The following YY1AP1 variants were observed in gnomAD, a reference collection of about 807,000 sequenced individuals.
The protein encoded by YY1AP1 is YY1 associated protein 1, also known as YY1-associated protein 1.
Under a neutral mutation model 39.9 loss-of-function variants are expected in YY1AP1, and 43 were observed. The observed-to-expected ratio is 1.08, with a 90% confidence interval of 0.84 to 1.39. The LOEUF is 1.39. Ranked by LOEUF, YY1AP1 falls within the 40% of genes most tolerant of loss-of-function variation. The pLI is 0.00. For missense variants in YY1AP1, 813 were observed against 900.7 expected, an observed-to-expected ratio of 0.90 and a Z score of 1.25; for synonymous variants, 292 against 331.3, an observed-to-expected ratio of 0.88 and a Z score of 1.29.
Position 155,680,484 on chromosome 1 carries a change from T to A in YY1AP1, c.-20-28A>T, listed in dbSNP as rs762116956. The A allele has an allele frequency of 5.0e-6, 8 of 1,593,540 alleles. No homozygotes were observed. In the South Asian group the frequency reaches 7.7e-5, roughly 15 times the overall value. ...GCAAAAAAGCCAAACGTTGTTGGTA[T>A]AAATTAGATTCATTTTACAATATGG... On this transcript the variant is annotated intron_variant, in intron 2 of 10. Transcript: ENST00000355499.
intron 4 of YY1AP1, among the ~76,000 whole-genome samples, chr1:155,677,210 A>C (rs1379180699): frequency 6.6e-6 from 1 of 152,230 alleles, no homozygotes; most frequent in Admixed American, 6.5e-5. Flanking sequence ...TTCTAGCATG[A>C]AGCAGGAAAA....
rs1475469483 is a variant in YY1AP1 at position 155,681,094 on chromosome 1, G to A, written c.-20-638C>T. Among the ~76,000 whole-genome samples, 6 of 150,554 alleles carry A rather than the reference G, an allele frequency of 4.0e-5. No homozygotes were observed. In the East Asian group the frequency reaches 1.2e-3, roughly 30 times the overall value. On this transcript the variant is annotated intron_variant, in intron 2 of 10. Coordinates refer to ENST00000355499, the MANE Select transcript of YY1AP1 (RefSeq NM_139119.3). ...TGCCCAGGCTGGAGTGCGATGACACGATTTTGGCTCACTGCAACCTCCGCC... is the reference window on the plus strand; with the variant it reads ...TGCCCAGGCTGGAGTGCGATGACACAATTTTGGCTCACTGCAACCTCCGCC...
upstream of YY1AP1, chr1:155,688,976 TG>T: frequency 6.2e-7 from 1 of 1,608,276 alleles, no homozygotes; most frequent in Non-Finnish European, 8.5e-7. Context: ...TCCTCCTCCA[TG>T]GGACCGCGGC....
rs951715711 is a variant in YY1AP1 at position 155,674,993 on chromosome 1, G to C, written c.411+17C>G. 5.6e-6 allele frequency: 9 copies of C among 1,604,730 alleles called. No homozygotes were observed. The highest frequency in any genetic ancestry group is 1.7e-4 in the Middle Eastern group (1 of 6,028). Reference sequence around the variant, plus strand: ...TTATATTCTAGTCTATAGAATTACGGCAATTTGGAAACTTACAAGACATAT... The same window carrying C: ...TTATATTCTAGTCTATAGAATTACGCCAATTTGGAAACTTACAAGACATAT... On this transcript the variant is annotated intron_variant, in intron 6 of 10. Transcript: ENST00000355499.
intron 4 of YY1AP1, among the ~76,000 whole-genome samples, chr1:155,677,426 A>T (rs1188097491): frequency 2.6e-5 from 4 of 152,178 alleles, no homozygotes; most frequent in Non-Finnish European, 5.9e-5. Flanking sequence ...TGTCAGTTCT[A>T]TGTATGATTA....
chr1:155,684,781 T>A (rs1651994601), intron 2 of YY1AP1, among the ~76,000 whole-genome samples: 1 of 152,160 alleles, frequency 6.6e-6, no homozygotes, highest in Non-Finnish European at 1.5e-5. Flanking sequence ...AGACGGGGTT[T>A]CACCGTGTTG....
intron 3 of YY1AP1, 122 bp from the exon 4 acceptor site, chr1:155,679,634 C>A: frequency 1.3e-6 from 2 of 1,549,534 alleles, no homozygotes; most frequent in South Asian, 2.4e-5. Flanking sequence ...CCAGAAAGAG[C>A]CTACATCAGA....
chr1:155,688,848 A>G (rs1653192225), upstream of YY1AP1: 1 of 1,594,236 alleles, frequency 6.3e-7, no homozygotes, highest in Non-Finnish European at 8.5e-7. Context: ...GGGGCAGGAG[A>G]GGAAGGGACC....
intron 9 of YY1AP1, 42 bp from the exon 10 acceptor site, chr1:155,661,465 A>G: frequency 1.2e-6 from 2 of 1,612,612 alleles, no homozygotes; most frequent in Middle Eastern, 1.7e-4. Flanking sequence ...TTCCTTCTGG[A>G]AACACTGTCT....
rs1558295276 is a variant in YY1AP1 at position 155,660,101 on chromosome 1, TGG to T, written c.1807_1808del (p.Pro603IlefsTer29). 2 of 1,614,036 alleles carry T rather than the reference TGG, an allele frequency of 1.2e-6. No individual in the cohort carries two copies. ...AGGAGGCCACAAGGGGCTGGTTCAA[TGG>T]ACAGGGGAAGGAAGTAGGGTTAACC... is the stretch of plus-strand genomic sequence containing the variant. The part of the protein sequence containing the change: ...LLVNPTSFPC[P>X]LNQPLVASSV... On this transcript the variant is annotated frameshift_variant, in exon 11 of 11. Coordinates refer to ENST00000355499, the MANE Select transcript of YY1AP1 (RefSeq NM_139119.3). LOFTEE classifies it low-confidence loss of function (END_TRUNC).
intron 2 of YY1AP1, among the ~76,000 whole-genome samples, chr1:155,681,568 G>A (rs1292933009): frequency 6.6e-6 from 1 of 151,632 alleles, no homozygotes; most frequent in African/African-American, 2.4e-5. Context: ...CAGCCTGAAC[G>A]ACAGAGCAAG....
intron 2 of YY1AP1, among the ~76,000 whole-genome samples, chr1:155,686,101 C>T (rs1296606834): frequency 4.6e-5 from 6 of 130,374 alleles, no homozygotes; most frequent in Admixed American, 4.6e-4. Flanking sequence ...GTGGCGCAAT[C>T]TCAGCTCACT....
intron 10 of YY1AP1, 59 bp from the exon 11 acceptor site, chr1:155,660,972 G>GGGAA (rs772158312): frequency 1.9e-6 from 3 of 1,611,556 alleles, no homozygotes; most frequent in South Asian, 2.2e-5. Flanking sequence ...AAAAGAATAG[G>GGGAA]ACTTTCTAAG....
intron 9 of YY1AP1, among the ~76,000 whole-genome samples, chr1:155,665,658 A>G (rs1052947968): frequency 2.0e-5 from 3 of 151,796 alleles, no homozygotes; most frequent in Admixed American, 2.0e-4. Context: ...CACGCCTGTA[A>G]TCCCCGCACT....
At chr1:155,665,809 A>AAAG (rs1423160111) in intron 9 of YY1AP1, among the ~76,000 whole-genome samples, 11 of 145,432 alleles carry the variant, frequency 7.6e-5, no homozygotes, top group African/African-American at 2.7e-4. Context: ...AAAAAAAAAA[A>AAAG]GTAATGCAAA....
chr1:155,678,135 T>G (rs1650993013), intron 4 of YY1AP1, among the ~76,000 whole-genome samples: 1 of 152,234 alleles, frequency 6.6e-6, no homozygotes, highest in Non-Finnish European at 1.5e-5. Context: ...TACATACATA[T>G]GTACTTACCA....
At chr1:155,674,277 C>G (rs1650308886) in intron 6 of YY1AP1, among the ~76,000 whole-genome samples, 1 of 151,060 alleles carries the variant, frequency 6.6e-6, no homozygotes, top group Non-Finnish European at 1.5e-5. Context: ...AATTCAACAT[C>G]TACATGTATA....
At chr1:155,679,674 C>T (rs1012529687) in intron 3 of YY1AP1, 162 bp from the exon 4 acceptor site, 1 of 985,380 alleles carries the variant, frequency 1.0e-6, no homozygotes, top group African/African-American at 1.7e-5. Flanking sequence ...TCCTACAAAC[C>T]CACATATGGA....
At chr1:155,670,730 C>T (rs1222914704) in intron 7 of YY1AP1, 7 of 353,710 alleles carry the variant, frequency 2.0e-5, no homozygotes, top group Admixed American at 4.5e-5. Flanking sequence ...GACTGGAGTG[C>T]GTGGCGCAAT....
Sources: gnomAD v4.1 joint callset for allele counts (sites outside exome capture counted in the v4.1 genomes callset) on GRCh38, gnomAD v4.1.1 for gene constraint, MANE v1.5 for transcripts, NCBI Gene and HGNC (gene_info 2026-07-23, HGNC 2026-07-21) for gene names.